VPS54: variants seen among roughly 807,000 people sequenced by gnomAD.
The protein encoded by VPS54 is vacuolar protein sorting-associated protein 54.
In VPS54, 45 loss-of-function variants were observed where a neutral mutation model predicts 121.5. The observed-to-expected ratio is 0.37, with a 90% CI of 0.29 to 0.47. The LOEUF is 0.47. Ranked by LOEUF, VPS54 falls within the 20% of genes least tolerant of loss-of-function variation. VPS54 has a pLI of 0.99. For synonymous variants in VPS54, 371 were observed against 385.8 expected, an observed-to-expected ratio of 0.96 and a Z score of 0.45; for missense variants, 1,090 against 1,131.4, an observed-to-expected ratio of 0.96 and a Z score of 0.52.
chr2:63,969,972 C>T (rs1471271735), intron 4 of VPS54, among the ~76,000 whole-genome samples: 1 of 151,956 alleles, frequency 6.6e-6, no homozygotes, highest in East Asian at 1.9e-4. Context: ...GAGATACACA[C>T]TTATCTTCAA....
Position 63,912,238 on chromosome 2 carries a change from T to C in VPS54, c.2625+107A>G, listed in dbSNP as rs1159744884. The C allele has an allele frequency of 5.5e-6, 6 of 1,092,922 alleles. No individual in the cohort carries two copies. The East Asian group carries it at 1.1e-4, about 19-fold the overall frequency. 67.7% of individuals were successfully genotyped at this position (1,092,922 alleles called of 1,614,324 possible). Reference sequence around the variant, plus strand: ...ATTCTACTAATTGGTAAATATCCTATGAAAGTTTAGATTATCTTTTCACAT... The same window carrying C: ...ATTCTACTAATTGGTAAATATCCTACGAAAGTTTAGATTATCTTTTCACAT... On this transcript the variant is annotated intron_variant, in intron 20 of 22. Coordinates refer to ENST00000272322, the MANE Select transcript of VPS54 (RefSeq NM_016516.3).
At chr2:64,003,917 C>G (rs1286269479) in intron 1 of VPS54, among the ~76,000 whole-genome samples, 1 of 152,150 alleles carries the variant, frequency 6.6e-6, no homozygotes, top group East Asian at 1.9e-4. Flanking sequence ...AATACCACTT[C>G]CAACTAAAAG....
Position 63,920,552 on chromosome 2 carries a change from T to A in VPS54, c.1945A>T (p.Thr649Ser). The A allele has an allele frequency of 6.3e-7, 1 of 1,577,794 alleles. No homozygotes were observed. The highest frequency in any genetic ancestry group is 8.6e-7 in the Non-Finnish European group (1 of 1,162,338). The change falls in exon 14 of 23, where the codon ACC becomes TCC. Residue 649 changes from threonine (T) to serine (S), a missense_variant. Thr to Ser is a moderately conservative substitution (Grantham distance 58, BLOSUM62 1). This residue lies in a region of VPS54 where 801 missense variants were observed against 757.0 expected (regional missense o/e 1.06). Transcript: ENST00000272322. ...SRLMETFILD[T>S]EQICGRKSTS... ...CTTTTTCTTCCACAGATCTGTTCGG[T>A]GTCTAAAATGAATGTTTCCATTAAT...
chr2:63,996,972 G>A (rs1431006439), intron 1 of VPS54, among the ~76,000 whole-genome samples: 2 of 152,120 alleles, frequency 1.3e-5, no homozygotes, highest in African/African-American at 4.8e-5. Flanking sequence ...AAACTTGCTG[G>A]TTTTATGGCT....
intron 1 of VPS54, among the ~76,000 whole-genome samples, chr2:64,013,989 G>A (rs537565524): frequency 4.0e-5 from 6 of 148,752 alleles, no homozygotes; most frequent in African/African-American, 4.8e-5. Flanking sequence ...TCAGGAGTTC[G>A]AGACCAGTCT....
chr2:63,972,935 A>T (rs572984178), intron 3 of VPS54, among the ~76,000 whole-genome samples: 83 of 143,140 alleles, frequency 5.8e-4, no homozygotes, highest in African/African-American at 2.1e-3. Context: ...CGTTCTGAGT[A>T]AAAAAAAAAA....
At chr2:63,996,114 T>C (rs1245521236) in intron 1 of VPS54, among the ~76,000 whole-genome samples, 23 of 152,198 alleles carry the variant, frequency 1.5e-4, no homozygotes, top group Non-Finnish European at 5.9e-5. Context: ...CACATTTATA[T>C]AAAAAGAAAG....
chr2:63,998,869 C>T (rs1677736178), intron 1 of VPS54, among the ~76,000 whole-genome samples: 2 of 152,038 alleles, frequency 1.3e-5, no homozygotes, highest in African/African-American at 2.4e-5. Flanking sequence ...TTTCTGTGTA[C>T]TTATATTGCC....
intron 16 of VPS54, among the ~76,000 whole-genome samples, chr2:63,915,033 C>T (rs1225949288): frequency 1.3e-5 from 2 of 151,612 alleles, no homozygotes; most frequent in East Asian, 3.9e-4. Flanking sequence ...CATCTGTAAT[C>T]CCAGCTACTG....
chr2:63,947,572 T>C (rs530455363), intron 8 of VPS54, 82 bp from the exon 9 acceptor site: 3 of 1,147,628 alleles, frequency 2.6e-6, no homozygotes, highest in Non-Finnish European at 3.5e-6. Context: ...GCATCAAGAG[T>C]TCTGTTTGAT....
chr2:63,972,172 T>C lies in VPS54; in HGVS notation c.451A>G (p.Thr151Ala), dbSNP rs753076507. ...AAATAACACATATTCATACCATGAG[T>C]ATGTAAAAGAGTCCTTTCGAAGGTA... The part of the protein sequence containing the change: ...KDTFERTLLH[T>A]HDKSRTDLEQ... Residue 151 changes from threonine to alanine, a missense_variant, in exon 4 of 23, where the codon ACT becomes GCT. By Grantham distance (58) the Thr-to-Ala change is moderately conservative. This residue lies in a region of VPS54 where 801 missense variants were observed against 757.0 expected (regional missense o/e 1.06). Transcript: ENST00000272322. The C allele has an allele frequency of 8.9e-6, 14 of 1,572,078 alleles. No homozygotes were observed. In the African/African-American group the frequency reaches 1.5e-4, roughly 17 times the overall value.
At chr2:63,918,661 C>T (rs914532173) in intron 15 of VPS54, among the ~76,000 whole-genome samples, 9 of 151,968 alleles carry the variant, frequency 5.9e-5, no homozygotes, top group African/African-American at 2.2e-4. Flanking sequence ...CTATTTTATA[C>T]TTGTCCTTAA....
chr2:63,942,222 A>G (rs572334074), intron 11 of VPS54, among the ~76,000 whole-genome samples: 1 of 152,180 alleles, frequency 6.6e-6, no homozygotes, highest in East Asian at 1.9e-4. Context: ...ATTACTGTAT[A>G]ATATTTAATG....
intron 1 of VPS54, among the ~76,000 whole-genome samples, chr2:64,012,946 A>G (rs762293978): frequency 6.6e-6 from 1 of 152,230 alleles, no homozygotes; most frequent in African/African-American, 2.4e-5. Flanking sequence ...TGAAAAAGTC[A>G]AAGAAGGTAA....
At chr2:63,909,167 A>T (rs1446294996) in intron 20 of VPS54, among the ~76,000 whole-genome samples, 1 of 152,232 alleles carries the variant, frequency 6.6e-6, no homozygotes, top group African/African-American at 2.4e-5. Flanking sequence ...AACACTTTAC[A>T]TATATCCTAC....
At chr2:63,946,791 TC>T (rs1280106438) in intron 9 of VPS54, among the ~76,000 whole-genome samples, 1 of 152,108 alleles carries the variant, frequency 6.6e-6, no homozygotes, top group Non-Finnish European at 1.5e-5. Flanking sequence ...TGAACATTTG[TC>T]TACTGCTGAT....
chr2:64,004,587 TAATCCAATCC>T (rs775451071), intron 1 of VPS54, among the ~76,000 whole-genome samples: 3 of 152,210 alleles, frequency 2.0e-5, no homozygotes, highest in African/African-American at 7.2e-5. Flanking sequence ...CAAAAATGTT[TAATCCAATCC>T]AATCCAATCC....
intron 22 of VPS54, 113 bp downstream of exon 22, chr2:63,897,383 A>C: frequency 1.5e-6 from 1 of 670,140 alleles, no homozygotes; most frequent in Non-Finnish European, 2.5e-6. Context: ...TGCTGATTTT[A>C]CAACGTTGGT....
intron 22 of VPS54, among the ~76,000 whole-genome samples, chr2:63,896,283 A>G (rs1672441684): frequency 1.3e-5 from 2 of 152,186 alleles, no homozygotes; most frequent in Non-Finnish European, 2.9e-5. Flanking sequence ...CACATGCCAA[A>G]GTATTTAAGG....
Sources: gnomAD v4.1 joint callset for allele counts (sites outside exome capture counted in the v4.1 genomes callset) on GRCh38, gnomAD v4.1.1 for gene constraint, gnomAD v4.1.1 regional missense constraint, MANE v1.5 for transcripts, NCBI Gene and HGNC (gene_info 2026-07-23, HGNC 2026-07-21) for gene names.